The following GHRHR variants were observed in gnomAD, a reference collection of about 807,000 sequenced individuals.
GHRHR encodes the protein growth hormone releasing hormone receptor.
In GHRHR, 40 loss-of-function variants were observed where a neutral mutation model predicts 58.3. That is an observed-to-expected ratio of 0.69 (90% CI 0.53 to 0.89). GHRHR has a LOEUF of 0.89. GHRHR is among the 40% of genes least tolerant of loss of function. The probability of loss-of-function intolerance (pLI) is 0.00; values close to 1 mark genes in which losing one functional copy is unlikely to be tolerated. For synonymous variants in GHRHR, 249 were observed against 216.6 expected (o/e 1.15, Z -1.31); for missense variants, 551 against 541.3 (o/e 1.02, Z -0.18).
At position 30,979,237 on chromosome 7, in the gene GHRHR, T is replaced by G. The variant is rs2228078; in HGVS notation, c.1265T>G (p.Met422Arg). The G allele has an allele frequency of 1.2e-6, 2 of 1,613,836 alleles. No individual in the cohort carries two copies. Among genetic ancestry groups the G allele is most frequent in the Non-Finnish European group, 8.5e-7 (1 of 1,179,848 alleles). The change falls in exon 13 of 13, where the codon ATG (methionine) becomes AGG (arginine). Residue 422 changes from methionine (M) to arginine (R), a missense_variant. Transcript: ENST00000326139. ...SRSAAKVLTS[M>R]C The stretch of plus-strand genomic sequence containing the variant: ...TCGGCGGCAAAGGTGCTGACATCTA[T>G]GTGCTAGGCTGCCTCATCACGCCAC...
At chr7:30,965,026 T>G (rs1792318787) in intron 1 of GHRHR, among the ~76,000 whole-genome samples, 1 of 152,206 alleles carries the variant, frequency 6.6e-6, no homozygotes, top group African/African-American at 2.4e-5. Context: ...AAACTAGCCG[T>G]GTGAACTGCA....
intron 6 of GHRHR, among the ~76,000 whole-genome samples, chr7:30,973,607 A>T (rs1562594376): frequency 6.6e-6 from 1 of 152,198 alleles, no homozygotes; most frequent in Non-Finnish European, 1.5e-5. Context: ...TCACAGCTCT[A>T]GGGATTGACT....
Position 30,969,070 on chromosome 7 carries a change from T to C in GHRHR, c.168T>C (p.Pro56=), listed in dbSNP as rs1792423397. The change falls in exon 3 of 13, where the codon CCT becomes CCC. Residue 56 remains proline, a synonymous_variant. Transcript: ENST00000326139. ...EEMPNTTLGC[P]ATWDGLLCWP... Reference sequence around the variant, plus strand: ...TCCTGGCTCTCTATCCAGGCTGCCCTGCGACCTGGGATGGGCTGCTGTGCT... The same window carrying C: ...TCCTGGCTCTCTATCCAGGCTGCCCCGCGACCTGGGATGGGCTGCTGTGCT... 2 of 1,579,174 alleles carry C rather than the reference T, an allele frequency of 1.3e-6. No homozygotes were observed. The highest frequency in any genetic ancestry group is 1.7e-6 in the Non-Finnish European group (2 of 1,161,886).
In GHRHR at chr7:30,971,197, A is replaced by G. The variant is rs1187398090; in HGVS notation, c.445A>G (p.Thr149Ala). 8 of 1,489,486 alleles carry G rather than the reference A, an allele frequency of 5.4e-6. No homozygotes were observed. The South Asian group carries it at 8.4e-5, about 16-fold the overall frequency. 92.3% of individuals were successfully genotyped at this position (1,489,486 alleles called of 1,614,324 possible). A position where few individuals can be genotyped will look rare whatever the true frequency, so the allele number is the denominator to read the frequency against. ...ISIVALFVAITILVALRRLHC... is the reference protein window; with the variant it reads ...ISIVALFVAIAILVALRRLHC... Reference sequence around the variant, plus strand: ...TATTGTAGCCCTCTTCGTGGCCATCACCATCCTGGTTGCTCTCAGGTTTGT... The same window carrying G: ...TATTGTAGCCCTCTTCGTGGCCATCGCCATCCTGGTTGCTCTCAGGTTTGT... The change falls in exon 5 of 13, where the codon ACC (threonine) becomes GCC (alanine). Residue 149 changes from threonine (T) to alanine (A), a missense_variant. By Grantham distance (58) the Thr-to-Ala change is moderately conservative. Transcript: ENST00000326139.
intron 6 of GHRHR, among the ~76,000 whole-genome samples, 196 bp from the exon 7 acceptor site, chr7:30,973,789 G>C (rs767839681): frequency 6.6e-6 from 1 of 152,154 alleles, no homozygotes; most frequent in Non-Finnish European, 1.5e-5. Context: ...TAGAAGCCAG[G>C]CTGTCTAGAT....
At chr7:30,970,109 G>A (rs758498757) in intron 4 of GHRHR, 145 bp downstream of exon 4, 2 of 711,306 alleles carry the variant, frequency 2.8e-6, no homozygotes, top group Non-Finnish European at 5.2e-6. Context: ...TGAAGTGTCT[G>A]GAGGAGATGG....
At chr7:30,975,676 G>T in intron 9 of GHRHR, 101 bp from the exon 10 acceptor site, 6 of 753,296 alleles carry the variant, frequency 8.0e-6, no homozygotes, top group South Asian at 1.4e-5. Flanking sequence ...ACGTCTCAAG[G>T]ATTTAAATTT....
At chr7:30,976,187 C>G (rs752329366) in intron 10 of GHRHR, among the ~76,000 whole-genome samples, 4 of 152,082 alleles carry the variant, frequency 2.6e-5, no homozygotes, top group African/African-American at 7.2e-5. Context: ...TGGTTTTGAT[C>G]CACACTTTGA....
At chr7:30,964,211 C>A (rs1792293615) in intron 1 of GHRHR, 86 bp downstream of exon 1, 21 of 1,182,970 alleles carry the variant, frequency 1.8e-5, no homozygotes, top group Non-Finnish European at 2.1e-5. Context: ...TGGCGGAGAC[C>A]CTACTGCCCT....
At chr7:30,974,300 C>A in intron 7 of GHRHR, 129 bp from the exon 8 acceptor site, 2 of 1,099,402 alleles carry the variant, frequency 1.8e-6, no homozygotes, top group Non-Finnish European at 2.8e-6. Flanking sequence ...AGGGCCCTGG[C>A]TCTGGGGTCC....
chr7:30,976,346 G>A (rs779352541), intron 10 of GHRHR, 83 bp from the exon 11 acceptor site: 32 of 1,248,746 alleles, frequency 2.6e-5, no homozygotes, highest in Middle Eastern at 1.9e-4. Context: ...ATATAGGGAG[G>A]TGGTAGGAAG....
intron 1 of GHRHR, 88 bp from the exon 2 acceptor site, chr7:30,968,746 C>T: frequency 1.2e-6 from 1 of 837,920 alleles, no homozygotes; most frequent in Non-Finnish European, 2.1e-6. Flanking sequence ...ATGAATCAGG[C>T]CTTGTCCCTG....
chr7:30,972,559 A>G (rs1792500834), intron 6 of GHRHR, among the ~76,000 whole-genome samples: 2 of 152,082 alleles, frequency 1.3e-5, no homozygotes, highest in African/African-American at 2.4e-5. Context: ...TTCAGGGAGG[A>G]GAGGACCCTG....
chr7:30,964,023 C>T lies in GHRHR; in HGVS notation c.-46C>T, dbSNP rs1337173494. On this transcript the variant is annotated 5_prime_UTR_variant, in exon 1 of 13. Transcript: ENST00000326139. ...GGGGACAGCAGGGGAAGGAAGATAG[C>T]CAAGGCTTACTGAGGCTGGTGGAGG... 2.0e-6 allele frequency: 3 copies of T among 1,524,086 alleles called. No homozygotes were observed. The African/African-American group carries it at 4.1e-5, about 21-fold the overall frequency. The allele number at this position is 1,524,086 out of a possible 1,614,324, so 94.4% of individuals were successfully genotyped here.
At chr7:30,968,617 C>CCTCCCTCCCTCA in intron 1 of GHRHR, among the ~76,000 whole-genome samples, 1 of 112,074 alleles carries the variant, frequency 8.9e-6, no homozygotes, top group Non-Finnish European at 1.8e-5. Flanking sequence ...TCCCTCCCTC[C>CCTCCCTCCCTCA]CTCCCTCCCT....
Position 30,979,240 on chromosome 7 carries a change from G to A in GHRHR, c.1268G>A (p.Cys423Tyr), listed in dbSNP as rs139763309. The A allele has an allele frequency of 3.5e-4, 570 of 1,613,678 alleles. No homozygotes were observed. Among genetic ancestry groups the A allele is most frequent in the Non-Finnish European group, 4.6e-4 (542 of 1,179,864 alleles). Residue 423 changes from cysteine to tyrosine, a missense_variant, in exon 13 of 13, where the codon TGC (cysteine) becomes TAC (tyrosine). Coordinates refer to ENST00000326139, the MANE Select transcript of GHRHR (RefSeq NM_000823.4). ...GCGGCAAAGGTGCTGACATCTATGT[G>A]CTAGGCTGCCTCATCACGCCACTGG... Reference protein sequence around the residue: ...RSAAKVLTSMC With the variant: ...RSAAKVLTSMY
intron 1 of GHRHR, among the ~76,000 whole-genome samples, chr7:30,966,962 A>C (rs1050784755): frequency 4.6e-5 from 7 of 152,106 alleles, no homozygotes; most frequent in Non-Finnish European, 8.8e-5. Flanking sequence ...TTCTGATCAC[A>C]GTTTGCGCAG....
intron 3 of GHRHR, chr7:30,969,423 G>T (rs1792435074): frequency 1.7e-6 from 1 of 598,096 alleles, no homozygotes. Context: ...ATGCCCTCCA[G>T]GTGTTAGCAG....
chr7:30,967,956 A>G (rs1270524097), intron 1 of GHRHR, among the ~76,000 whole-genome samples: 2 of 152,086 alleles, frequency 1.3e-5, no homozygotes, highest in Non-Finnish European at 2.9e-5. Context: ...AGAATAATCC[A>G]TTTCCTTGCC....
Sources: gnomAD v4.1 joint callset for allele counts (sites outside exome capture counted in the v4.1 genomes callset) on GRCh38, gnomAD v4.1.1 for gene constraint, MANE v1.5 for transcripts, NCBI Gene and HGNC (gene_info 2026-07-23, HGNC 2026-07-21) for gene names.